Variants in TEX101 observed in about 807,000 individuals in gnomAD.
TEX101 encodes the protein testis-expressed protein 101.
Under a neutral mutation model 18.1 loss-of-function variants are expected in TEX101, and 10 were observed. The ratio of observed to expected loss-of-function variants is 0.55; its 90% CI spans 0.34 to 0.94. The LOEUF (loss-of-function observed/expected upper bound fraction) is 0.94, where lower values mean the gene tolerates loss of function less well. Among genes scored for constraint, TEX101 ranks in the 40% least tolerant of loss-of-function variants. The pLI is 0.02. For synonymous variants in TEX101, 94 were observed against 114.8 expected (o/e 0.82, Z 1.16); for missense variants, 259 against 298.9 (o/e 0.87, Z 0.98).
At position 43,416,398 on chromosome 19, in the gene TEX101, G is replaced by T; in HGVS notation, c.234G>T (p.Thr78=). 14 of 1,613,944 alleles carry T rather than the reference G, an allele frequency of 8.7e-6. No individual in the cohort carries two copies. The highest frequency in any genetic ancestry group is 1.2e-5 in the Non-Finnish European group (14 of 1,179,916). ...GGACTGAGACAGCCATTTTGGCCAC[G>T]AAGGGCTGCATCCCGGAAGGGGAGG... ...KAGTETAILA[T]KGCIPEGEEA... Residue 78 remains threonine, a synonymous_variant, in exon 4 of 6, where the codon ACG becomes ACT. Coordinates refer to ENST00000598265, the MANE Select transcript of TEX101 (RefSeq NM_001130011.3).
At chr19:43,408,723 A>C (rs1970392989) in intron 3 of TEX101, among the ~76,000 whole-genome samples, 1 of 152,048 alleles carries the variant, frequency 6.6e-6, no homozygotes, top group Admixed American at 6.5e-5. Flanking sequence ...GGATTCAGGG[A>C]GGGCTGCACT....
At chr19:43,410,218 T>G, upstream of TEX101, among the ~76,000 whole-genome samples, 1 of 152,122 alleles carries the variant, frequency 6.6e-6, no homozygotes, top group East Asian at 1.9e-4. Flanking sequence ...AAAAGGGAGC[T>G]GCACGATGCT....
the TEX101 span, among the ~76,000 whole-genome samples, chr19:43,392,330 G>C: frequency 6.6e-6 from 1 of 152,088 alleles, no homozygotes; most frequent in Admixed American, 6.6e-5. Context: ...AGAGGACCCA[G>C]GCTTGTGGAT....
chr19:43,400,610 T>C (rs1181921108), upstream of TEX101, among the ~76,000 whole-genome samples: 1 of 152,264 alleles, frequency 6.6e-6, no homozygotes, highest in African/African-American at 2.4e-5. Flanking sequence ...GTCCAGTCAT[T>C]GTACACAGGT....
rs1235050720 is a variant in TEX101 at position 43,416,558 on chromosome 19, A to G, written c.391+3A>G. ...TTGGGAGTTCAGTGAGACCACAGGT[A>G]CCCTGGAAGTGGGGGAGATAGGTAC... On this transcript the variant is annotated splice_donor_region_variant and intron_variant, in intron 4 of 5. Coordinates refer to ENST00000598265, the MANE Select transcript of TEX101 (RefSeq NM_001130011.3). The G allele has an allele frequency of 6.2e-7, 1 of 1,611,440 alleles. No homozygotes were observed. Among genetic ancestry groups the G allele is most frequent in the Non-Finnish European group, 8.5e-7 (1 of 1,178,392 alleles).
chr19:43,406,141 G>A (rs987977882), intron 2 of TEX101: 15 of 207,360 alleles, frequency 7.2e-5, no homozygotes, highest in Non-Finnish European at 1.3e-4. Flanking sequence ...TAGCACTTTG[G>A]GAGGCACCTT....
the TEX101 span, among the ~76,000 whole-genome samples, chr19:43,393,058 G>A: frequency 1.2e-5 from 1 of 85,454 alleles, no homozygotes; most frequent in Non-Finnish European, 2.0e-5. Flanking sequence ...ACTCTGGAAA[G>A]AAAAGAAAGA....
chr19:43,388,914 T>A, the TEX101 span, among the ~76,000 whole-genome samples: 17 of 152,114 alleles, frequency 1.1e-4, no homozygotes, highest in Non-Finnish European at 1.5e-4. Flanking sequence ...CCCCACCTTC[T>A]CTGAAGCTAC....
chr19:43,411,932 T>C (rs1970422902), upstream of TEX101, among the ~76,000 whole-genome samples: 1 of 152,156 alleles, frequency 6.6e-6, no homozygotes, highest in Admixed American at 6.5e-5. Context: ...GCTGGGATTA[T>C]GGGCTTGAGC....
chr19:43,392,311 T>C, the TEX101 span, among the ~76,000 whole-genome samples: 1 of 151,140 alleles, frequency 6.6e-6, no homozygotes, highest in African/African-American at 2.4e-5. Context: ...AGGACTAGGG[T>C]GAGACAAGAG....
At chr19:43,392,503 T>G in the TEX101 span, among the ~76,000 whole-genome samples, 9 of 152,048 alleles carry the variant, frequency 5.9e-5, no homozygotes, top group South Asian at 2.1e-4. Context: ...CCCTCATCCT[T>G]GTCCTGAGAC....
At chr19:43,403,249 CATT>C (rs1489620288) in intron 2 of TEX101, among the ~76,000 whole-genome samples, 1 of 152,128 alleles carries the variant, frequency 6.6e-6, no homozygotes, top group African/African-American at 2.4e-5. Flanking sequence ...ATAAGATAAA[CATT>C]ATGTTTACAT....
chr19:43,407,792 G>T (rs1469225898), intron 3 of TEX101, among the ~76,000 whole-genome samples: 4 of 152,212 alleles, frequency 2.6e-5, no homozygotes, highest in African/African-American at 9.6e-5. Context: ...CCAACAGGAC[G>T]CAGTGCAGCA....
chr19:43,410,609 G>A (rs538142418), upstream of TEX101, among the ~76,000 whole-genome samples: 2 of 152,052 alleles, frequency 1.3e-5, no homozygotes, highest in South Asian at 4.2e-4. Flanking sequence ...TCCAGCAAAT[G>A]TTTACTTACC....
chr19:43,414,708 G>A (rs146377649), upstream of TEX101, among the ~76,000 whole-genome samples: 981 of 152,276 alleles, frequency 6.4e-3, 13 homozygotes, highest in African/African-American at 0.022. Context: ...TCTTCCGGCC[G>A]GTTTGCCCGC....
upstream of TEX101, among the ~76,000 whole-genome samples, chr19:43,399,933 G>A (rs557906240): frequency 2.6e-3 from 393 of 151,608 alleles, no homozygotes; most frequent in African/African-American, 8.6e-3. Context: ...TCCTGCCTCA[G>A]CCTCCTGAGT....
upstream of TEX101, among the ~76,000 whole-genome samples, chr19:43,399,733 C>A (rs1355353727): frequency 6.6e-6 from 1 of 150,700 alleles, no homozygotes; most frequent in Non-Finnish European, 1.5e-5. Flanking sequence ...TGCATCCACA[C>A]TTTCTTTTGA....
At chr19:43,397,357 C>T (rs1441846267), upstream of TEX101, among the ~76,000 whole-genome samples, 1 of 152,102 alleles carries the variant, frequency 6.6e-6, no homozygotes, top group East Asian at 1.9e-4. Context: ...CTTTCATCTA[C>T]TCTTTGTATA....
upstream of TEX101, chr19:43,414,730 C>T (rs1321057451): frequency 4.5e-6 from 3 of 668,428 alleles, no homozygotes; most frequent in South Asian, 1.3e-4. Context: ...ACTCACCTTC[C>T]GAGCATGCGC....
Sources: gnomAD v4.1 joint callset for allele counts (sites outside exome capture counted in the v4.1 genomes callset) on GRCh38, gnomAD v4.1.1 for gene constraint, MANE v1.5 for transcripts, NCBI Gene and HGNC (gene_info 2026-07-23, HGNC 2026-07-21) for gene names.